The following LRRTM3 variants were observed in gnomAD, a reference collection of about 807,000 sequenced individuals.
The protein encoded by LRRTM3 is leucine-rich repeat transmembrane neuronal protein 3.
Under a neutral mutation model 44.7 loss-of-function variants are expected in LRRTM3, and 24 were observed. The ratio of observed to expected loss-of-function variants is 0.54; its 90% confidence interval spans 0.39 to 0.76. The LOEUF is 0.76. Ranked by LOEUF, LRRTM3 falls within the 30% of genes least tolerant of loss-of-function variation. The pLI, the probability that LRRTM3 is intolerant of heterozygous loss-of-function variation, is 0.00. For missense variants in LRRTM3, 587 were observed against 702.2 expected (o/e 0.84, Z 1.85); for synonymous variants, 277 against 278.7 (o/e 0.99, Z 0.06).
intron 2 of LRRTM3, among the ~76,000 whole-genome samples, chr10:67,008,498 AT>A (rs1202852732): frequency 2.0e-5 from 3 of 151,160 alleles, no homozygotes; most frequent in Non-Finnish European, 3.0e-5. Context: ...TGGCTATTCA[AT>A]TTTTTTTTAC....
chr10:66,955,140 G>A (rs1037967591), intron 2 of LRRTM3, among the ~76,000 whole-genome samples: 1 of 152,054 alleles, frequency 6.6e-6, no homozygotes, highest in South Asian at 2.1e-4. Context: ...TTTCCTAGGT[G>A]CCTTTGGTAT....
intron 2 of LRRTM3, among the ~76,000 whole-genome samples, chr10:66,981,935 C>T (rs1850466311): frequency 6.6e-6 from 1 of 152,152 alleles, no homozygotes; most frequent in Non-Finnish European, 1.5e-5. Context: ...CAGGAAGCTC[C>T]CAAAGGCTGC....
At chr10:66,946,181 T>C (rs1213110642) in intron 2 of LRRTM3, among the ~76,000 whole-genome samples, 1 of 152,100 alleles carries the variant, frequency 6.6e-6, no homozygotes, top group Non-Finnish European at 1.5e-5. Context: ...TACAATAAAA[T>C]GAGGTGTGCC....
At chr10:66,962,178 T>C (rs975140273) in intron 2 of LRRTM3, among the ~76,000 whole-genome samples, 5 of 152,056 alleles carry the variant, frequency 3.3e-5, no homozygotes, top group Non-Finnish European at 4.4e-5. Context: ...ACATCCCCCA[T>C]TTCCTCATCA....
At chr10:67,089,567 C>T (rs1231524685) in intron 2 of LRRTM3, among the ~76,000 whole-genome samples, 2 of 151,972 alleles carry the variant, frequency 1.3e-5, no homozygotes, top group African/African-American at 2.4e-5. Context: ...TATTGAATCA[C>T]TTCTCAGCAA....
At chr10:66,974,333 A>G (rs1021931496) in intron 2 of LRRTM3, among the ~76,000 whole-genome samples, 2 of 152,208 alleles carry the variant, frequency 1.3e-5, no homozygotes, top group African/African-American at 4.8e-5. Context: ...TTAGCAGTTC[A>G]TTCATTTTAA....
intron 2 of LRRTM3, among the ~76,000 whole-genome samples, chr10:66,998,141 C>A (rs1851462505): frequency 6.6e-6 from 1 of 152,148 alleles, no homozygotes; most frequent in African/African-American, 2.4e-5. Context: ...AGATGCAAAC[C>A]AAATTCCTAA....
chr10:67,004,075 C>A (rs1851832845), intron 2 of LRRTM3, among the ~76,000 whole-genome samples: 1 of 151,808 alleles, frequency 6.6e-6, no homozygotes, highest in Non-Finnish European at 1.5e-5. Context: ...AAATAACTTA[C>A]CTGCATTTTG....
intron 2 of LRRTM3, among the ~76,000 whole-genome samples, chr10:66,946,906 C>T (rs1848301494): frequency 6.6e-6 from 1 of 152,092 alleles, no homozygotes; most frequent in Non-Finnish European, 1.5e-5. Context: ...TGAAAATTTT[C>T]CTACAGTCTC....
intron 2 of LRRTM3, among the ~76,000 whole-genome samples, chr10:67,090,712 G>A (rs769300630): frequency 6.6e-6 from 1 of 152,014 alleles, no homozygotes; most frequent in Non-Finnish European, 1.5e-5. Context: ...AAATAATGAA[G>A]AGAATATTAG....
intron 2 of LRRTM3, among the ~76,000 whole-genome samples, chr10:67,062,548 T>C (rs1855821391): frequency 6.6e-6 from 1 of 152,134 alleles, no homozygotes; most frequent in Non-Finnish European, 1.5e-5. Flanking sequence ...CGTGTAGATA[T>C]GGGGCATTAA....
chr10:67,092,204 TAG>T (rs1315691451), intron 2 of LRRTM3, among the ~76,000 whole-genome samples: 1 of 151,990 alleles, frequency 6.6e-6, no homozygotes, highest in East Asian at 1.9e-4. Context: ...TTCAACAACC[TAG>T]AGAGTTAGAA....
At chr10:67,087,779 C>T (rs1208458057) in intron 2 of LRRTM3, among the ~76,000 whole-genome samples, 1 of 151,790 alleles carries the variant, frequency 6.6e-6, no homozygotes, top group Non-Finnish European at 1.5e-5. Context: ...GCCCAGTCAC[C>T]GGGGGATGGA....
intron 2 of LRRTM3, among the ~76,000 whole-genome samples, chr10:66,977,293 G>T (rs1209551528): frequency 6.6e-6 from 1 of 152,056 alleles, no homozygotes; most frequent in Non-Finnish European, 1.5e-5. Flanking sequence ...AAAATTAGCT[G>T]GGTGTGGTGG....
intron 2 of LRRTM3, among the ~76,000 whole-genome samples, chr10:67,070,173 T>C (rs1235723029): frequency 6.6e-6 from 1 of 152,214 alleles, no homozygotes; most frequent in Non-Finnish European, 1.5e-5. Context: ...TTCACACATA[T>C]ATATATTGCA....
intron 2 of LRRTM3, among the ~76,000 whole-genome samples, chr10:67,092,107 C>A (rs1044031962): frequency 3.4e-4 from 52 of 151,986 alleles, no homozygotes; most frequent in African/African-American, 1.2e-3. Context: ...ATCTAAAAAA[C>A]TGAATTTCTT....
At chr10:67,035,709 T>C (rs1182899229) in intron 2 of LRRTM3, among the ~76,000 whole-genome samples, 3 of 152,200 alleles carry the variant, frequency 2.0e-5, no homozygotes, top group Admixed American at 6.5e-5. Flanking sequence ...GCAATAGACC[T>C]GAACCACATC....
chr10:67,055,719 A>T (rs1418478556), intron 2 of LRRTM3, among the ~76,000 whole-genome samples: 2 of 152,112 alleles, frequency 1.3e-5, no homozygotes, highest in Non-Finnish European at 2.9e-5. Flanking sequence ...AAGGCTTGGG[A>T]ATTTCAGACC....
At chr10:67,020,836 G>A (rs935262335) in intron 2 of LRRTM3, among the ~76,000 whole-genome samples, 1 of 152,138 alleles carries the variant, frequency 6.6e-6, no homozygotes, top group Non-Finnish European at 1.5e-5. Context: ...GGAACAGAGG[G>A]GCTTCAGATG....
Sources: allele counts gnomAD v4.1 joint callset (sites outside exome capture counted in the v4.1 genomes callset), GRCh38; gene constraint gnomAD v4.1.1; transcripts MANE v1.5; gene names NCBI Gene and HGNC (gene_info 2026-07-23, HGNC 2026-07-21).